FRY: variants seen among roughly 807,000 people sequenced by gnomAD.
The protein encoded by FRY is protein furry homolog.
In FRY, 128 loss-of-function variants were observed where a neutral mutation model predicts 348.4. The ratio of observed to expected loss-of-function variants is 0.37; its 90% confidence interval spans 0.32 to 0.43. FRY has a LOEUF of 0.43. FRY is among the 20% of genes least tolerant of loss of function. FRY has a pLI of 1.00. For synonymous variants in FRY, 1,370 were observed against 1,374.7 expected, an observed-to-expected ratio of 1.00 and a Z score of 0.08; for missense variants, 2,736 against 3,695.2, an observed-to-expected ratio of 0.74 and a Z score of 6.73.
chr13:32,219,529 C>T (rs1366604408), intron 36 of FRY, among the ~76,000 whole-genome samples: 4 of 150,756 alleles, frequency 2.7e-5, no homozygotes, highest in African/African-American at 9.7e-5. Context: ...GAGGCCGAGG[C>T]GGGTGGATCA....
chr13:32,053,222 A>G (rs1407510651), intron 1 of FRY, among the ~76,000 whole-genome samples: 1 of 152,210 alleles, frequency 6.6e-6, no homozygotes, highest in Non-Finnish European at 1.5e-5. Context: ...AATTATTTCA[A>G]ATAGTATTCT....
chr13:32,262,771 G>A (rs776981078), intron 53 of FRY, among the ~76,000 whole-genome samples: 4 of 152,212 alleles, frequency 2.6e-5, no homozygotes, highest in Non-Finnish European at 4.4e-5. Context: ...AGTGGTGTAT[G>A]TCTGAGATGG....
At chr13:32,141,608 C>A (rs1055556062) in intron 11 of FRY, among the ~76,000 whole-genome samples, 1 of 152,254 alleles carries the variant, frequency 6.6e-6, no homozygotes, top group East Asian at 1.9e-4. Context: ...AGGTGCAACC[C>A]AGGAATCTGC....
Position 32,297,011 on chromosome 13 carries a change from TC to T in FRY, c.*1556del, listed in dbSNP as rs1239397851. On this transcript the variant is annotated 3_prime_UTR_variant, in exon 61 of 61. Transcript: ENST00000542859. ...GTTGTAATTCTGTCACCAACACCTATCCCCCAGGAACACAGGGAGAAACATG... is the reference window on the plus strand; with the variant it reads ...GTTGTAATTCTGTCACCAACACCTATCCCCAGGAACACAGGGAGAAACATG... 3.9e-5 allele frequency: 6 copies of T among 152,252 alleles called. No individual in the cohort carries two copies. Among genetic ancestry groups the T allele is most frequent in the African/African-American group, 1.4e-4 (6 of 41,542 alleles). The allele number at this position is 152,252 out of a possible 1,614,324, so 9.4% of individuals were successfully genotyped here.
At chr13:32,136,264 G>C (rs1379100107) in intron 10 of FRY, among the ~76,000 whole-genome samples, 1 of 152,170 alleles carries the variant, frequency 6.6e-6, no homozygotes, top group Admixed American at 6.5e-5. Flanking sequence ...GCTGCGGGAA[G>C]CTGGCCCAGT....
intron 29 of FRY, among the ~76,000 whole-genome samples, chr13:32,201,734 T>C (rs1184362896): frequency 1.3e-5 from 2 of 152,236 alleles, no homozygotes; most frequent in African/African-American, 4.8e-5. Flanking sequence ...GGTGTCCCAG[T>C]ATTTAATTTT....
At chr13:32,059,087 C>T (rs984396994) in intron 1 of FRY, among the ~76,000 whole-genome samples, 7 of 152,170 alleles carry the variant, frequency 4.6e-5, no homozygotes, top group African/African-American at 1.7e-4. Context: ...GGTCAGTCCT[C>T]CTTCCCTCAA....
At chr13:32,102,266 C>A (rs1341279200) in intron 3 of FRY, among the ~76,000 whole-genome samples, 1 of 152,096 alleles carries the variant, frequency 6.6e-6, no homozygotes, top group African/African-American at 2.4e-5. Context: ...TGATTATTTC[C>A]TAAATCTTTA....
intron 44 of FRY, among the ~76,000 whole-genome samples, chr13:32,238,526 C>T (rs950165438): frequency 2.0e-5 from 3 of 152,026 alleles, no homozygotes; most frequent in Non-Finnish European, 4.4e-5. Flanking sequence ...GATCTCGGCT[C>T]ACTGCAACCT....
intron 1 of FRY, among the ~76,000 whole-genome samples, chr13:32,034,598 TA>T (rs1435953600): frequency 1.3e-5 from 2 of 152,208 alleles, no homozygotes; most frequent in Non-Finnish European, 2.9e-5. Context: ...CCCAGCTGTC[TA>T]GTGGTTCTCA....
chr13:32,066,685 T>C (rs1398420688), intron 1 of FRY, among the ~76,000 whole-genome samples: 1 of 152,128 alleles, frequency 6.6e-6, no homozygotes, highest in African/African-American at 2.4e-5. Context: ...ATCTTTTAGT[T>C]TGTGTTGTCC....
intron 2 of FRY, among the ~76,000 whole-genome samples, chr13:32,100,968 T>C (rs1008338554): frequency 2.6e-5 from 4 of 151,430 alleles, no homozygotes; most frequent in Non-Finnish European, 5.9e-5. Context: ...CTTGAAGGTT[T>C]CAGCGTATGA....
At position 32,261,638 on chromosome 13, in the gene FRY, A is replaced by G; in HGVS notation, c.7439A>G (p.Asn2480Ser). 1 of 1,614,178 alleles carries G rather than the reference A, an allele frequency of 6.2e-7. No homozygotes were observed. Among genetic ancestry groups the G allele is most frequent in the Non-Finnish European group, 8.5e-7 (1 of 1,180,014 alleles). The change falls in exon 52 of 61, where the codon AAC becomes AGC. Residue 2480 changes from asparagine (N) to serine (S), a missense_variant. Physicochemically the swap from Asn to Ser is conservative, Grantham distance 46 (BLOSUM62 1). Coordinates refer to ENST00000542859, the MANE Select transcript of FRY (RefSeq NM_023037.3). The part of the protein sequence containing the change: ...DGEGESMDNF[N>S]WGVRRRSLDS... ...CAGGGTGAGAGTATGGACAATTTCA[A>G]CTGGGGAGTGCGCAGACGTTCTCTG... is the stretch of plus-strand genomic sequence containing the variant.
intron 14 of FRY, among the ~76,000 whole-genome samples, chr13:32,151,300 T>A (rs1880776033): frequency 6.6e-6 from 1 of 151,916 alleles, no homozygotes; most frequent in East Asian, 1.9e-4. Flanking sequence ...AACTGTGATT[T>A]AAAAAAAATA....
chr13:32,209,850 A>AG, intron 33 of FRY, 119 bp downstream of exon 33: 5 of 1,015,100 alleles, frequency 4.9e-6, no homozygotes, highest in Non-Finnish European at 7.7e-6. Context: ...TAGTCACATG[A>AG]ATCTCCTGTG....
chr13:32,052,510 T>C (rs1873388077), intron 1 of FRY, among the ~76,000 whole-genome samples: 1 of 152,240 alleles, frequency 6.6e-6, no homozygotes, highest in South Asian at 2.1e-4. Context: ...TTTCATAATT[T>C]ATTTTATCTA....
rs1343995470 is a variant in FRY at position 32,170,997 on chromosome 13, T to A, written c.1893-15T>A. On this transcript the variant is annotated splice_polypyrimidine_tract_variant and intron_variant, in intron 17 of 60. Transcript: ENST00000542859. Reference sequence around the variant, plus strand: ...ATAAAGTAAATGATTTTATTTTCCTTTATTCGTTTCACAGGCTCTCTATTC... The same window carrying A: ...ATAAAGTAAATGATTTTATTTTCCTATATTCGTTTCACAGGCTCTCTATTC... 6.3e-7 allele frequency: 1 copy of A among 1,580,368 alleles called. No individual in the cohort carries two copies. Among genetic ancestry groups the A allele is most frequent in the Non-Finnish European group, 8.7e-7 (1 of 1,149,332 alleles).
chr13:32,274,910 A>G lies in FRY; in HGVS notation c.8205A>G (p.Gly2735=). The G allele has an allele frequency of 6.2e-7, 1 of 1,612,874 alleles. No individual in the cohort carries two copies. The highest frequency in any genetic ancestry group is 8.5e-7 in the Non-Finnish European group (1 of 1,179,024). The part of the protein sequence containing the change: ...AASYLGDNLR[G]IGSKFVSSSQ... ...GTTACCTTGGAGATAACCTCCGGGG[A>G]ATCGGATCCAAATTTGTCAGCTCTT... The change falls in exon 56 of 61, where the codon GGA becomes GGG. Residue 2735 remains glycine (G), a synonymous_variant. Transcript: ENST00000542859.
At chr13:32,118,602 T>C (rs2138698560) in intron 4 of FRY, among the ~76,000 whole-genome samples, 1 of 152,264 alleles carries the variant, frequency 6.6e-6, no homozygotes, top group Admixed American at 6.5e-5. Flanking sequence ...ATTTTTAGAA[T>C]TTTTAGATAT....
Sources: gnomAD v4.1 joint callset for allele counts (sites outside exome capture counted in the v4.1 genomes callset) on GRCh38, gnomAD v4.1.1 for gene constraint, MANE v1.5 for transcripts, NCBI Gene and HGNC (gene_info 2026-07-23, HGNC 2026-07-21) for gene names.